The following TBC1D4 variants were observed in gnomAD, a reference collection of about 807,000 sequenced individuals.
TBC1D4 encodes TBC1 domain family member 4.
A neutral mutation model predicts 142.5 loss-of-function variants in TBC1D4; 121 were observed. That is an observed-to-expected ratio of 0.85 (90% CI 0.73 to 0.99). The LOEUF (loss-of-function observed/expected upper bound fraction) is 0.99, where lower values mean the gene tolerates loss of function less well. Ranked by LOEUF, TBC1D4 falls within the 50% of genes least tolerant of loss-of-function variation. The pLI is 0.00. For synonymous variants in TBC1D4, 630 were observed against 628.2 expected (o/e 1.00, Z -0.04); for missense variants, 1,475 against 1,606.6 (o/e 0.92, Z 1.40).
At chr13:75,399,254 G>C (rs1382051781) in intron 1 of TBC1D4, among the ~76,000 whole-genome samples, 1 of 152,136 alleles carries the variant, frequency 6.6e-6, no homozygotes, top group Non-Finnish European at 1.5e-5. Flanking sequence ...TTTCTTACTG[G>C]AATGGAGGGA....
intron 1 of TBC1D4, among the ~76,000 whole-genome samples, chr13:75,371,686 T>C (rs1216577129): frequency 6.6e-6 from 1 of 152,166 alleles, no homozygotes; most frequent in Admixed American, 6.5e-5. Flanking sequence ...GACCCCTACA[T>C]GGCATCAAGT....
chr13:75,364,634 G>A (rs1467588862), intron 1 of TBC1D4, among the ~76,000 whole-genome samples: 1 of 152,248 alleles, frequency 6.6e-6, no homozygotes, highest in African/African-American at 2.4e-5. Context: ...GAGTGAGCTA[G>A]CTGACACTCA....
intron 1 of TBC1D4, among the ~76,000 whole-genome samples, chr13:75,378,585 G>T (rs775736078): frequency 2.6e-5 from 4 of 151,974 alleles, no homozygotes; most frequent in Non-Finnish European, 5.9e-5. Flanking sequence ...CATAATGAAG[G>T]GAAAAAGTTG....
At chr13:75,301,379 T>C (rs945610901) in intron 16 of TBC1D4, among the ~76,000 whole-genome samples, 1 of 152,160 alleles carries the variant, frequency 6.6e-6, no homozygotes, top group Admixed American at 6.5e-5. Context: ...CGGTGGCTCA[T>C]GCCTGTAATC....
At chr13:75,480,169 TA>T (rs200592483) in intron 1 of TBC1D4, among the ~76,000 whole-genome samples, 2 of 152,030 alleles carry the variant, frequency 1.3e-5, no homozygotes, top group Non-Finnish European at 2.9e-5. Context: ...AATTGTGAAA[TA>T]AAAAAAATTA....
chr13:75,429,448 C>G (rs1886508111), intron 1 of TBC1D4, among the ~76,000 whole-genome samples: 1 of 152,144 alleles, frequency 6.6e-6, no homozygotes, highest in African/African-American at 2.4e-5. Context: ...GAGGTTGACC[C>G]AGAGCTTTCT....
intron 1 of TBC1D4, among the ~76,000 whole-genome samples, chr13:75,369,409 T>C (rs1883100026): frequency 6.6e-6 from 1 of 152,124 alleles, no homozygotes; most frequent in Admixed American, 6.5e-5. Flanking sequence ...GGAGGATCAC[T>C]TGAGCCTGGG....
At chr13:75,376,695 T>C (rs1465810112) in intron 1 of TBC1D4, among the ~76,000 whole-genome samples, 2 of 152,218 alleles carry the variant, frequency 1.3e-5, no homozygotes, top group Admixed American at 6.5e-5. Context: ...CTGGTGACTT[T>C]TAAGTAAACT....
chr13:75,295,119 T>C (rs1195682294), intron 17 of TBC1D4, 106 bp from the exon 18 acceptor site: 12 of 1,014,380 alleles, frequency 1.2e-5, no homozygotes, highest in Non-Finnish European at 1.7e-5. Flanking sequence ...AATTCACATA[T>C]ATAAGTAGTA....
chr13:75,429,966 TAGG>T (rs1886528833), intron 1 of TBC1D4, among the ~76,000 whole-genome samples: 2 of 152,198 alleles, frequency 1.3e-5, no homozygotes, highest in African/African-American at 4.8e-5. Context: ...CCATCTGGAA[TAGG>T]AGAAGAGCTA....
intron 1 of TBC1D4, among the ~76,000 whole-genome samples, chr13:75,430,590 C>T (rs967190156): frequency 2.0e-5 from 3 of 152,188 alleles, no homozygotes; most frequent in South Asian, 4.1e-4. Flanking sequence ...TGTTAAGCGT[C>T]GTTGCTATAC....
Position 75,341,490 on chromosome 13 carries a change from T to C in TBC1D4, c.1500+6A>G, listed in dbSNP as rs963211630. ...TCTTATTTATGAGACCTACAAATAA[T>C]GTTACCTGAACTCTTTCAAAGATGT... On this transcript the variant is annotated splice_donor_region_variant and intron_variant, in intron 6 of 20. Coordinates refer to ENST00000377636, the MANE Select transcript of TBC1D4 (RefSeq NM_014832.5). The C allele has an allele frequency of 1.1e-5, 18 of 1,612,866 alleles. No homozygotes were observed. Among genetic ancestry groups the C allele is most frequent in the African/African-American group, 2.7e-5 (2 of 74,864 alleles).
intron 17 of TBC1D4, among the ~76,000 whole-genome samples, chr13:75,296,209 T>G (rs1040170734): frequency 6.6e-6 from 1 of 152,122 alleles, no homozygotes; most frequent in Non-Finnish European, 1.5e-5. Flanking sequence ...GTCAAAGTTT[T>G]TTTTTAATGA....
At chr13:75,415,239 T>C (rs1885867790) in intron 1 of TBC1D4, among the ~76,000 whole-genome samples, 1 of 151,922 alleles carries the variant, frequency 6.6e-6, no homozygotes, top group Admixed American at 6.6e-5. Flanking sequence ...GAAGAATTGG[T>C]TTTAGACATA....
chr13:75,385,794 A>G (rs1207958083), intron 1 of TBC1D4, among the ~76,000 whole-genome samples: 1 of 152,208 alleles, frequency 6.6e-6, no homozygotes, highest in Non-Finnish European at 1.5e-5. Context: ...CTGATAAGAA[A>G]CTGTCCTATA....
At chr13:75,445,023 A>T (rs1256016216) in intron 1 of TBC1D4, among the ~76,000 whole-genome samples, 1 of 152,180 alleles carries the variant, frequency 6.6e-6, no homozygotes, top group Non-Finnish European at 1.5e-5. Context: ...CCCCCAAAAA[A>T]GTCACTCGCC....
At chr13:75,415,487 T>G (rs1277099479) in intron 1 of TBC1D4, among the ~76,000 whole-genome samples, 1 of 152,226 alleles carries the variant, frequency 6.6e-6, no homozygotes. Flanking sequence ...ATTGTTCACT[T>G]TAATAATTTA....
rs138222129 is a variant in TBC1D4, at chr13:75,284,089, C to T, written c.*2703G>A. ...CTGAGATTACAGATGCACACCACCA[C>T]GCCTGGCTAATTTTTGTATTTTCCC... On this transcript the variant is annotated 3_prime_UTR_variant, in exon 21 of 21. Coordinates refer to ENST00000377636, the MANE Select transcript of TBC1D4 (RefSeq NM_014832.5). Among the ~76,000 whole-genome samples the T allele has an allele frequency of 0.017, 2,615 of 152,106 alleles. 78 individuals carry two copies. Among genetic ancestry groups the T allele is most frequent in the African/African-American group, 0.059 (2,446 of 41,450 alleles).
At chr13:75,290,728 G>A (rs185694934) in intron 19 of TBC1D4, among the ~76,000 whole-genome samples, 165 of 152,046 alleles carry the variant, frequency 1.1e-3, no homozygotes, top group Non-Finnish European at 4.4e-4. Flanking sequence ...GAATTACAGG[G>A]TACAAAATAC....
Sources: allele counts gnomAD v4.1 joint callset (sites outside exome capture counted in the v4.1 genomes callset), GRCh38; gene constraint gnomAD v4.1.1; transcripts MANE v1.5; gene names NCBI Gene and HGNC (gene_info 2026-07-23, HGNC 2026-07-21).